Variants in SPMIP2 observed in about 807,000 individuals in gnomAD.
SPMIP2 encodes the protein sperm microtubule inner protein 2.
At chr4:159,045,615 C>T in the SPMIP2 span, among the ~76,000 whole-genome samples, 1 of 152,206 alleles carries the variant, frequency 6.6e-6, no homozygotes, top group Non-Finnish European at 1.5e-5. Flanking sequence ...TGAGAGAAGG[C>T]AGCCTGAAGA....
At chr4:158,940,585 A>G in the SPMIP2 span, among the ~76,000 whole-genome samples, 1 of 145,854 alleles carries the variant, frequency 6.9e-6, no homozygotes. Context: ...TAGCTGAATA[A>G]CCTTGATTCT....
the SPMIP2 span, among the ~76,000 whole-genome samples, chr4:158,929,125 C>T: frequency 6.6e-6 from 1 of 152,222 alleles, no homozygotes; most frequent in East Asian, 1.9e-4. Context: ...AGTGATCCTC[C>T]CACCTCAACC....
the SPMIP2 span, among the ~76,000 whole-genome samples, chr4:158,978,817 A>G: frequency 1.3e-5 from 2 of 152,060 alleles, no homozygotes; most frequent in African/African-American, 2.4e-5. Context: ...GTGTCTTTGC[A>G]CATGAGATGG....
the SPMIP2 span, among the ~76,000 whole-genome samples, chr4:159,036,090 C>T: frequency 2.5e-4 from 38 of 152,144 alleles, no homozygotes; most frequent in African/African-American, 8.9e-4. Flanking sequence ...AGAAATATAT[C>T]GGCTACCTGA....
chr4:158,964,151 T>TCAAAACAAAACAAAA, the SPMIP2 span, among the ~76,000 whole-genome samples: 10 of 100,166 alleles, frequency 1.0e-4, no homozygotes, highest in East Asian at 1.8e-3. Flanking sequence ...TGAGACTATC[T>TCAAAACAAAACAAAA]CAAAACAAAA....
At chr4:158,974,754 T>G in the SPMIP2 span, among the ~76,000 whole-genome samples, 3 of 152,206 alleles carry the variant, frequency 2.0e-5, no homozygotes, top group Middle Eastern at 3.2e-3. Flanking sequence ...CTGTGAATAG[T>G]GCTGCAAAAA....
the SPMIP2 span, among the ~76,000 whole-genome samples, chr4:158,972,022 CTG>C: frequency 6.6e-6 from 1 of 152,178 alleles, no homozygotes; most frequent in Non-Finnish European, 1.5e-5. Flanking sequence ...ACCTCAAAGA[CTG>C]TGCTCCCATC....
the SPMIP2 span, among the ~76,000 whole-genome samples, chr4:159,054,519 C>T: frequency 6.6e-6 from 1 of 152,132 alleles, no homozygotes; most frequent in Non-Finnish European, 1.5e-5. Context: ...GAAGCCTTTT[C>T]CTCCATCACC....
At chr4:158,973,983 C>CAAAAAAAA in the SPMIP2 span, among the ~76,000 whole-genome samples, 9 of 64,960 alleles carry the variant, frequency 1.4e-4, no homozygotes, top group Non-Finnish European at 1.6e-4. Flanking sequence ...AAGGCCACCT[C>CAAAAAAAA]AAAAAAAAAA....
At chr4:158,962,721 A>G in the SPMIP2 span, among the ~76,000 whole-genome samples, 1 of 152,206 alleles carries the variant, frequency 6.6e-6, no homozygotes. Flanking sequence ...TATTACAGGG[A>G]GAAAGGGGAC....
chr4:159,004,289 C>CTTTTTTTT, the SPMIP2 span, among the ~76,000 whole-genome samples: 1,611 of 78,820 alleles, frequency 0.02, 88 homozygotes, highest in Non-Finnish European at 0.026. Flanking sequence ...ACTCTGTGCT[C>CTTTTTTTT]TTTTTTTTTT....
the SPMIP2 span, among the ~76,000 whole-genome samples, chr4:158,959,823 A>G: frequency 6.6e-6 from 1 of 152,150 alleles, no homozygotes; most frequent in Non-Finnish European, 1.5e-5. Context: ...CCATAAGATA[A>G]TTTGAATTGA....
chr4:158,984,909 G>A, the SPMIP2 span, among the ~76,000 whole-genome samples: 1 of 151,890 alleles, frequency 6.6e-6, no homozygotes, highest in Admixed American at 6.6e-5. Flanking sequence ...TAAAAAAAGA[G>A]AGAAGAATCA....
At chr4:159,076,840 G>T in the SPMIP2 span, among the ~76,000 whole-genome samples, 44 of 101,364 alleles carry the variant, frequency 4.3e-4, no homozygotes, top group African/African-American at 1.7e-3. Context: ...GCACTAAACA[G>T]ATTTTTTTTT....
chr4:158,986,841 G>A, the SPMIP2 span, among the ~76,000 whole-genome samples: 1 of 146,782 alleles, frequency 6.8e-6, no homozygotes. Context: ...AGAGCGAACA[G>A]GCAACCTACA....
At chr4:158,997,949 G>A in the SPMIP2 span, among the ~76,000 whole-genome samples, 1 of 152,132 alleles carries the variant, frequency 6.6e-6, no homozygotes, top group Non-Finnish European at 1.5e-5. Flanking sequence ...GAGCCACTGT[G>A]CCTGGCCTCC....
At chr4:158,938,353 A>G in the SPMIP2 span, among the ~76,000 whole-genome samples, 1 of 152,242 alleles carries the variant, frequency 6.6e-6, no homozygotes, top group Non-Finnish European at 1.5e-5. Flanking sequence ...TAAGGGAAGC[A>G]TCAAAAAGAT....
the SPMIP2 span, among the ~76,000 whole-genome samples, chr4:159,030,367 C>T: frequency 2.0e-5 from 3 of 151,804 alleles, no homozygotes; most frequent in Admixed American, 6.6e-5. Context: ...AAGCCATAAT[C>T]GTGCCACTGC....
At chr4:159,047,016 T>C in the SPMIP2 span, among the ~76,000 whole-genome samples, 1 of 152,348 alleles carries the variant, frequency 6.6e-6, no homozygotes, top group East Asian at 1.9e-4. Flanking sequence ...TTATCCAGAC[T>C]TTGACCTTTG....
Sources: gnomAD v4.1 joint callset for allele counts (sites outside exome capture counted in the v4.1 genomes callset) on GRCh38, gnomAD v4.1.1 for gene constraint, MANE v1.5 for transcripts, NCBI Gene and HGNC (gene_info 2026-07-23, HGNC 2026-07-21) for gene names.